The following PTPRN2 variants were observed in gnomAD, a reference collection of about 807,000 sequenced individuals.
PTPRN2 encodes protein tyrosine phosphatase receptor type N2.
Under a neutral mutation model 118.8 loss-of-function variants are expected in PTPRN2, and 74 were observed. That is an observed-to-expected ratio of 0.62 (90% CI 0.52 to 0.76). The LOEUF is 0.76. Among genes scored for constraint, PTPRN2 ranks in the 30% least tolerant of loss-of-function variants. The probability of loss-of-function intolerance (pLI) is 0.00; values close to 1 mark genes in which losing one functional copy is unlikely to be tolerated. For synonymous variants in PTPRN2, 641 were observed against 608.0 expected (o/e 1.05, Z -0.80); for missense variants, 1,481 against 1,394.4 (o/e 1.06, Z -0.99).
chr7:157,859,928 C>T (rs1810092122), intron 12 of PTPRN2, among the ~76,000 whole-genome samples: 2 of 142,326 alleles, frequency 1.4e-5, no homozygotes, highest in South Asian at 5.0e-4. Flanking sequence ...CCACCACCCA[C>T]ACTCCTGCAG....
intron 2 of PTPRN2, among the ~76,000 whole-genome samples, chr7:158,376,120 A>G (rs1261330404): frequency 6.6e-6 from 1 of 152,114 alleles, no homozygotes; most frequent in Admixed American, 6.5e-5. Context: ...CCTGGATGCT[A>G]CTGCAGGGCC....
chr7:158,192,281 T>C, intron 5 of PTPRN2, 46 bp downstream of exon 5: 1 of 1,430,328 alleles, frequency 7.0e-7, no homozygotes. Context: ...ACCTGCACCC[T>C]GAAGGAAAAG....
intron 13 of PTPRN2, among the ~76,000 whole-genome samples, chr7:157,668,164 A>T (rs1796237445): frequency 6.6e-6 from 1 of 152,216 alleles, no homozygotes; most frequent in Admixed American, 6.5e-5. Flanking sequence ...AGAGTCCTCA[A>T]AGTATCTTAT....
At chr7:158,266,535 G>A (rs964836372) in intron 3 of PTPRN2, among the ~76,000 whole-genome samples, 33 of 152,206 alleles carry the variant, frequency 2.2e-4, no homozygotes, top group Admixed American at 4.6e-4. Context: ...TGTCTGCTGC[G>A]GTGTGATGTC....
chr7:158,155,537 A>G (rs1585666640), intron 6 of PTPRN2, among the ~76,000 whole-genome samples: 1 of 50,734 alleles, frequency 2.0e-5, no homozygotes, highest in East Asian at 1.1e-3. Context: ...CATCAGCACT[A>G]TCATCACCAT....
intron 3 of PTPRN2, among the ~76,000 whole-genome samples, chr7:158,278,705 G>A (rs1307621210): frequency 6.6e-6 from 1 of 152,194 alleles, no homozygotes; most frequent in Non-Finnish European, 1.5e-5. Context: ...TCCAGAGTTT[G>A]TTCCTTCAGG....
At chr7:157,950,713 A>C (rs1800757161) in intron 11 of PTPRN2, among the ~76,000 whole-genome samples, 1 of 152,162 alleles carries the variant, frequency 6.6e-6, no homozygotes, top group Non-Finnish European at 1.5e-5. Flanking sequence ...CAACTATTCT[A>C]CAGAAAAGAC....
At chr7:157,875,756 C>G (rs1214527902) in intron 12 of PTPRN2, among the ~76,000 whole-genome samples, 1 of 151,462 alleles carries the variant, frequency 6.6e-6, no homozygotes, top group African/African-American at 2.4e-5. Context: ...TGCAGAGGGT[C>G]AGGAGGGGCC....
At chr7:158,451,416 AC>A (rs1204653029) in intron 2 of PTPRN2, among the ~76,000 whole-genome samples, 1 of 152,152 alleles carries the variant, frequency 6.6e-6, no homozygotes, top group Non-Finnish European at 1.5e-5. Flanking sequence ...CTGTCTCAAA[AC>A]CTTCCTCTCC....
intron 3 of PTPRN2, among the ~76,000 whole-genome samples, chr7:158,296,575 AC>A (rs1338071568): frequency 5.9e-5 from 9 of 152,052 alleles, no homozygotes; most frequent in Non-Finnish European, 8.8e-5. Context: ...CTAAAAAAGC[AC>A]CCTGTAACAC....
intron 12 of PTPRN2, among the ~76,000 whole-genome samples, chr7:157,719,783 G>A (rs1340625352): frequency 3.3e-5 from 5 of 152,202 alleles, no homozygotes; most frequent in Non-Finnish European, 7.3e-5. Flanking sequence ...GCAGTTGCCC[G>A]CGTACTTTCT....
chr7:158,567,033 A>G (rs576958666), intron 1 of PTPRN2, among the ~76,000 whole-genome samples: 1 of 152,342 alleles, frequency 6.6e-6, no homozygotes, highest in South Asian at 2.1e-4. Context: ...TTAAAGTTTA[A>G]AAAATAAATA....
intron 4 of PTPRN2, among the ~76,000 whole-genome samples, chr7:158,194,188 TTGTC>T (rs1278831025): frequency 2.6e-5 from 4 of 152,318 alleles, no homozygotes; most frequent in Non-Finnish European, 4.4e-5. Context: ...GTGTGTGCGT[TTGTC>T]TGTGTATGTG....
At position 158,278,529 on chromosome 7, in the gene PTPRN2, T is replaced by C. The variant is rs534327032; in HGVS notation, c.277+38290A>G. On this transcript the variant is annotated intron_variant, in intron 3 of 22. Coordinates refer to ENST00000389418, the MANE Select transcript of PTPRN2 (RefSeq NM_002847.5). ...CCATTTGGGCAACAAACTGAAATTC[T>C]CTCTCGAAACCAACAATCAATACAA... Among the ~76,000 whole-genome samples, 9 of 152,222 alleles carry C rather than the reference T, an allele frequency of 5.9e-5. No individual in the cohort carries two copies. The South Asian group carries it at 1.9e-3, about 32-fold the overall frequency.
At chr7:158,152,866 A>G (rs1405854619) in intron 6 of PTPRN2, among the ~76,000 whole-genome samples, 4 of 126,276 alleles carry the variant, frequency 3.2e-5, no homozygotes, top group African/African-American at 9.3e-5. Context: ...GCAGGCCACC[A>G]ACCAGTGGGA....
At chr7:157,918,899 G>A (rs1392361681) in intron 11 of PTPRN2, among the ~76,000 whole-genome samples, 1 of 152,168 alleles carries the variant, frequency 6.6e-6, no homozygotes, top group Non-Finnish European at 1.5e-5. Flanking sequence ...CCGGGGCTGC[G>A]CTTGGCACTT....
At chr7:158,014,170 A>G (rs1806268434) in intron 11 of PTPRN2, among the ~76,000 whole-genome samples, 1 of 144,716 alleles carries the variant, frequency 6.9e-6, no homozygotes, top group Non-Finnish European at 1.5e-5. Context: ...CTATTCATCC[A>G]TCCATCTACC....
At chr7:157,824,733 C>G (rs917996750) in intron 12 of PTPRN2, among the ~76,000 whole-genome samples, 3 of 152,164 alleles carry the variant, frequency 2.0e-5, no homozygotes, top group African/African-American at 7.2e-5. Flanking sequence ...GGGTGTGAAC[C>G]TGGATGCTAC....
At chr7:157,955,403 G>A (rs985920260) in intron 11 of PTPRN2, among the ~76,000 whole-genome samples, 2 of 151,874 alleles carry the variant, frequency 1.3e-5, no homozygotes, top group African/African-American at 4.8e-5. Context: ...CATCCCCCTG[G>A]GTGGGAGCTA....
Sources: allele counts gnomAD v4.1 joint callset (sites outside exome capture counted in the v4.1 genomes callset), GRCh38; gene constraint gnomAD v4.1.1; transcripts MANE v1.5; gene names NCBI Gene and HGNC (gene_info 2026-07-23, HGNC 2026-07-21).